The following TSHZ2 variants were observed in gnomAD, a reference collection of about 807,000 sequenced individuals.
The protein encoded by TSHZ2 is teashirt zinc finger homeobox 2, also known as teashirt homolog 2.
In TSHZ2, 21 loss-of-function variants were observed where a neutral mutation model predicts 74.4. That is an observed-to-expected ratio of 0.28 (90% CI 0.20 to 0.41). The LOEUF (loss-of-function observed/expected upper bound fraction) is 0.41. Ranked by LOEUF, TSHZ2 falls within the 10% of genes least tolerant of loss-of-function variation. The pLI is 1.00. For synonymous variants in TSHZ2, 540 were observed against 515.3 expected, an observed-to-expected ratio of 1.05 and a Z score of -0.65; for missense variants, 1,244 against 1,293.5, an observed-to-expected ratio of 0.96 and a Z score of 0.59.
intron 1 of TSHZ2, among the ~76,000 whole-genome samples, chr20:53,152,928 T>C (rs1226492224): frequency 6.6e-6 from 1 of 152,108 alleles, no homozygotes; most frequent in Non-Finnish European, 1.5e-5. Flanking sequence ...CCCAGTCCTG[T>C]GCAGGCAGGA....
intron 2 of TSHZ2, among the ~76,000 whole-genome samples, chr20:53,373,582 G>A (rs550490914): frequency 6.6e-6 from 1 of 152,320 alleles, no homozygotes; most frequent in South Asian, 2.1e-4. Flanking sequence ...TCAACCCAAA[G>A]AGAGACGGTG....
chr20:53,101,177 T>C (rs572600239), intron 1 of TSHZ2, among the ~76,000 whole-genome samples: 1 of 152,354 alleles, frequency 6.6e-6, no homozygotes, highest in African/African-American at 2.4e-5. Flanking sequence ...AAAGAGATGT[T>C]TTGTCAATGA....
intron 1 of TSHZ2, among the ~76,000 whole-genome samples, chr20:53,088,252 T>C (rs1985758271): frequency 6.6e-6 from 1 of 152,206 alleles, no homozygotes; most frequent in Non-Finnish European, 1.5e-5. Context: ...AAGCACTGGA[T>C]TCAACTCTGG....
chr20:53,238,402 C>G lies in TSHZ2; in HGVS notation c.41-15097C>G, dbSNP rs576754359. On this transcript the variant is annotated intron_variant, in intron 1 of 2. Transcript: ENST00000371497. ...CAGAATCAAAAGACAATCTCTCTAT[C>G]ATAGAATTGTGAAATGGACCTACTC... 5.3e-4 allele frequency among the ~76,000 whole-genome samples: 81 copies of G among 152,190 alleles called. 1 individual carries two copies. Among genetic ancestry groups the G allele is most frequent in the African/African-American group, 1.8e-3 (73 of 41,526 alleles).
At chr20:53,078,215 T>C (rs996033692) in intron 1 of TSHZ2, among the ~76,000 whole-genome samples, 3 of 152,202 alleles carry the variant, frequency 2.0e-5, no homozygotes, top group South Asian at 2.1e-4. Context: ...TAAAAACATA[T>C]GAGTAAAGAG....
chr20:53,372,329 T>C (rs1055425138), intron 2 of TSHZ2, among the ~76,000 whole-genome samples: 2 of 151,810 alleles, frequency 1.3e-5, no homozygotes, highest in African/African-American at 2.4e-5. Flanking sequence ...AAGAAAAAAT[T>C]AGCCAGGCGT....
At chr20:53,196,703 T>C (rs1485079754) in intron 1 of TSHZ2, among the ~76,000 whole-genome samples, 1 of 152,218 alleles carries the variant, frequency 6.6e-6, no homozygotes, top group African/African-American at 2.4e-5. Flanking sequence ...TACGATCTTA[T>C]TCACACAACA....
At chr20:53,091,191 T>C (rs1718349595) in intron 1 of TSHZ2, among the ~76,000 whole-genome samples, 1 of 152,266 alleles carries the variant, frequency 6.6e-6, no homozygotes, top group South Asian at 2.1e-4. Context: ...CCAATGTCAG[T>C]TGTGATAGAA....
chr20:53,086,705 C>A (rs1254410377), intron 1 of TSHZ2, among the ~76,000 whole-genome samples: 1 of 152,128 alleles, frequency 6.6e-6, no homozygotes, highest in African/African-American at 2.4e-5. Flanking sequence ...AACTGGAACT[C>A]GTGTCCTGAA....
At chr20:53,418,832 C>T (rs1451750649) in intron 2 of TSHZ2, among the ~76,000 whole-genome samples, 3 of 152,164 alleles carry the variant, frequency 2.0e-5, no homozygotes, top group African/African-American at 4.8e-5. Flanking sequence ...CAGTCCAGGC[C>T]GCCAAAGGCC....
intron 1 of TSHZ2, among the ~76,000 whole-genome samples, chr20:53,227,426 G>C (rs917611084): frequency 1.3e-5 from 2 of 150,518 alleles, no homozygotes; most frequent in African/African-American, 2.4e-5. Context: ...TTTCATAAAT[G>C]TTAATCTTTA....
intron 2 of TSHZ2, among the ~76,000 whole-genome samples, chr20:53,361,157 C>G (rs1981036983): frequency 2.0e-5 from 3 of 152,188 alleles, no homozygotes; most frequent in African/African-American, 4.8e-5. Context: ...AGAACACCCC[C>G]CAAAGCTTGT....
At chr20:53,263,219 T>G (rs1990636810) in intron 2 of TSHZ2, among the ~76,000 whole-genome samples, 1 of 152,204 alleles carries the variant, frequency 6.6e-6, no homozygotes, top group Non-Finnish European at 1.5e-5. Context: ...GAGCTTTTTC[T>G]CAATGAATTT....
chr20:53,137,351 A>T (rs538920142), intron 1 of TSHZ2, among the ~76,000 whole-genome samples: 2 of 145,576 alleles, frequency 1.4e-5, no homozygotes, highest in East Asian at 4.0e-4. Flanking sequence ...TGTTTTCCCC[A>T]GGAAGGATCT....
chr20:53,236,960 C>T (rs376327791), intron 1 of TSHZ2, among the ~76,000 whole-genome samples: 4 of 152,148 alleles, frequency 2.6e-5, no homozygotes, highest in Admixed American at 2.6e-4. Flanking sequence ...ACACGTAGGG[C>T]TTACAATTCA....
intron 2 of TSHZ2, among the ~76,000 whole-genome samples, chr20:53,370,975 GGAT>G (rs1001552876): frequency 1.5e-4 from 23 of 152,132 alleles, no homozygotes; most frequent in African/African-American, 5.6e-4. Context: ...AAGATGCTAG[GGAT>G]GAGCCCATCC....
At chr20:53,087,526 T>C (rs1407589909) in intron 1 of TSHZ2, among the ~76,000 whole-genome samples, 6 of 152,204 alleles carry the variant, frequency 3.9e-5, no homozygotes. Flanking sequence ...AAAGTTTTAA[T>C]TGCCTCGTGG....
chr20:53,429,912 C>T (rs1983781295), intron 2 of TSHZ2, among the ~76,000 whole-genome samples: 1 of 152,160 alleles, frequency 6.6e-6, no homozygotes, highest in Non-Finnish European at 1.5e-5. Flanking sequence ...GGCAGTCCCA[C>T]ACATTGCAGG....
Position 53,256,586 on chromosome 20 carries a change from T to G in TSHZ2, c.*8+15T>G, listed in dbSNP as rs373477685. On this transcript the variant is annotated intron_variant, in intron 2 of 2. Coordinates refer to ENST00000371497, the MANE Select transcript of TSHZ2 (RefSeq NM_173485.6). This position sits in a 1 kb window ranked among gnomAD's most constrained non-coding sequence, Gnocchi z 4.3. Reference sequence around the variant, plus strand: ...TAGCTCTGCAGGTATGGGTTTGCTCTGAGGCATTGCGATTAGCCTGGTGAG... The same window carrying G: ...TAGCTCTGCAGGTATGGGTTTGCTCGGAGGCATTGCGATTAGCCTGGTGAG... 1 of 1,545,366 alleles carries G rather than the reference T, an allele frequency of 6.5e-7. No individual in the cohort carries two copies. Among genetic ancestry groups the G allele is most frequent in the African/African-American group, 1.4e-5 (1 of 73,272 alleles).
Sources: allele counts gnomAD v4.1 joint callset (sites outside exome capture counted in the v4.1 genomes callset), GRCh38; gene constraint gnomAD v4.1.1; non-coding constraint Gnocchi (gnomAD v3.1); transcripts MANE v1.5; gene names NCBI Gene and HGNC (gene_info 2026-07-23, HGNC 2026-07-21).